The following TMX4 variants were observed in gnomAD, a reference collection of about 807,000 sequenced individuals.
TMX4 encodes the protein thioredoxin-related transmembrane protein 4.
Under a neutral mutation model 33.3 loss-of-function variants are expected in TMX4, and 23 were observed. The observed-to-expected ratio is 0.69, with a 90% confidence interval of 0.50 to 0.98. The LOEUF (loss-of-function observed/expected upper bound fraction) is 0.98, where lower values mean the gene tolerates loss of function less well. TMX4 is among the 50% of genes least tolerant of loss of function. The probability of loss-of-function intolerance (pLI) is 0.00; values close to 1 mark genes in which losing one functional copy is unlikely to be tolerated. For missense variants in TMX4, 399 were observed against 448.9 expected (o/e 0.89, Z 1.01); for synonymous variants, 164 against 161.5 (o/e 1.02, Z -0.12).
chr20:7,993,327 T>G (rs1038430776), intron 5 of TMX4, among the ~76,000 whole-genome samples: 2 of 152,218 alleles, frequency 1.3e-5, no homozygotes, highest in South Asian at 2.1e-4. Context: ...TTAATATATT[T>G]GCATTGTAGT....
chr20:8,011,251 G>T (rs2050751791), intron 1 of TMX4, among the ~76,000 whole-genome samples: 1 of 151,904 alleles, frequency 6.6e-6, no homozygotes, highest in Non-Finnish European at 1.5e-5. Flanking sequence ...ATTAAGGGAG[G>T]AAAGGGGCCA....
chr20:8,007,804 C>T (rs968669958), intron 2 of TMX4, among the ~76,000 whole-genome samples: 5 of 152,230 alleles, frequency 3.3e-5, no homozygotes, highest in Non-Finnish European at 4.4e-5. Context: ...CTATTTATCT[C>T]TGGTCCTTCC....
intron 1 of TMX4, among the ~76,000 whole-genome samples, chr20:8,014,592 C>A (rs1382755646): frequency 1.3e-5 from 2 of 152,110 alleles, no homozygotes; most frequent in Non-Finnish European, 2.9e-5. Flanking sequence ...AAAAGCATAT[C>A]AATAAATGTG....
rs1281800994 is a variant in TMX4 at position 7,982,631 on chromosome 20, GAAGA to G, written c.680-14_680-11del. The G allele has an allele frequency of 6.3e-7, 1 of 1,599,564 alleles. No homozygotes were observed. The highest frequency in any genetic ancestry group is 1.1e-5 in the South Asian group (1 of 89,382). ...GATCTCCGATTCTGCTCTATGGAGG[GAAGA>G]AAGAGGAATATCCTCTGAATAAACA... is the stretch of plus-strand genomic sequence containing the variant. On this transcript the variant is annotated splice_polypyrimidine_tract_variant and intron_variant, in intron 7 of 7. Coordinates refer to ENST00000246024, the MANE Select transcript of TMX4 (RefSeq NM_021156.4).
Position 7,981,239 on chromosome 20 carries a change from T to C in TMX4, c.*1012A>G, listed in dbSNP as rs2050604496. ...CACATCACTGAAGGAAAATCAGAAG[T>C]GGTTTTTTAGTTATTATTAAAGTAG... is the stretch of plus-strand genomic sequence containing the variant. On this transcript the variant is annotated 3_prime_UTR_variant, in exon 8 of 8. Coordinates refer to ENST00000246024, the MANE Select transcript of TMX4 (RefSeq NM_021156.4). 6.6e-6 allele frequency: 1 copy of C among 152,198 alleles called. No individual in the cohort carries two copies. The highest frequency in any genetic ancestry group is 1.5e-5 in the Non-Finnish European group (1 of 68,038). 9.4% of individuals were successfully genotyped at this position (152,198 alleles called of 1,614,324 possible). A position where few individuals can be genotyped will look rare whatever the true frequency, so the allele number is the denominator to read the frequency against.
At chr20:8,005,557 T>G (rs917455651) in intron 2 of TMX4, among the ~76,000 whole-genome samples, 40 of 152,312 alleles carry the variant, frequency 2.6e-4, no homozygotes, top group African/African-American at 9.4e-4. Context: ...TCTGTTTTTG[T>G]GCCCAAATGT....
In TMX4 at chr20:8,019,499, C is replaced by G. The variant is rs1278428098; in HGVS notation, c.115G>C (p.Val39Leu). ...CAGTTGGAGGCGGTCATGGGCTGGA[C>G]CCGGCTCTGCTCCGGCGGCAGCGCG... Reference protein sequence around the residue: ...EAALPPEQSRVQPMTASNWTL... With the variant: ...EAALPPEQSRLQPMTASNWTL... The change falls in exon 1 of 8, where the codon GTC (valine) becomes CTC (leucine). Residue 39 changes from valine to leucine, a missense_variant. By Grantham distance (32) the Val-to-Leu change is conservative. Transcript: ENST00000246024. 1 of 1,508,252 alleles carries G rather than the reference C, an allele frequency of 6.6e-7. No homozygotes were observed. Among genetic ancestry groups the G allele is most frequent in the Non-Finnish European group, 8.9e-7 (1 of 1,128,588 alleles). 93.4% of individuals were successfully genotyped at this position (1,508,252 alleles called of 1,614,324 possible). A position where few individuals can be genotyped will look rare whatever the true frequency, so the allele number is the denominator to read the frequency against.
intron 4 of TMX4, among the ~76,000 whole-genome samples, chr20:7,998,048 C>T (rs1409557951): frequency 1.3e-5 from 2 of 152,078 alleles, no homozygotes; most frequent in East Asian, 3.9e-4. Flanking sequence ...TCGCCTTCCA[C>T]CATGATTATA....
At chr20:8,016,506 T>G (rs1452884651) in intron 1 of TMX4, among the ~76,000 whole-genome samples, 2 of 152,244 alleles carry the variant, frequency 1.3e-5, no homozygotes, top group Non-Finnish European at 2.9e-5. Context: ...CTCATACATT[T>G]TTAAAACACT....
intron 5 of TMX4, among the ~76,000 whole-genome samples, chr20:7,990,351 G>T (rs997912035): frequency 3.3e-5 from 5 of 151,964 alleles, no homozygotes; most frequent in Non-Finnish European, 4.4e-5. Context: ...GTCATCTGAT[G>T]GGTGTGACAC....
At chr20:7,998,477 A>G (rs117607090) in intron 4 of TMX4, among the ~76,000 whole-genome samples, 2,078 of 152,128 alleles carry the variant, frequency 0.014, 54 homozygotes, top group East Asian at 0.065. Flanking sequence ...TCTAAGCCTC[A>G]ACTCACTTCA....
At chr20:7,993,042 A>C (rs376940129) in intron 5 of TMX4, among the ~76,000 whole-genome samples, 2 of 152,334 alleles carry the variant, frequency 1.3e-5, no homozygotes, top group African/African-American at 4.8e-5. Flanking sequence ...TCTTCCCTGC[A>C]GATATACTTA....
intron 2 of TMX4, among the ~76,000 whole-genome samples, chr20:8,007,331 C>T (rs2050735157): frequency 6.6e-6 from 1 of 152,144 alleles, no homozygotes; most frequent in African/African-American, 2.4e-5. Flanking sequence ...ATCCTAGTAT[C>T]TCAAGAATCC....
chr20:7,983,714 C>T (rs2050618753), intron 7 of TMX4, 80 bp downstream of exon 7: 9 of 1,108,404 alleles, frequency 8.1e-6, no homozygotes, highest in Non-Finnish European at 1.0e-5. Flanking sequence ...ACAGAGAAAA[C>T]CCACTATCTA....
At chr20:8,009,598 T>C (rs1007164086) in intron 2 of TMX4, among the ~76,000 whole-genome samples, 1 of 152,100 alleles carries the variant, frequency 6.6e-6, no homozygotes, top group Non-Finnish European at 1.5e-5. Flanking sequence ...CACAGCATCA[T>C]CTTAGAAGTA....
intron 2 of TMX4, among the ~76,000 whole-genome samples, chr20:8,005,868 C>T (rs1490630624): frequency 6.6e-6 from 1 of 152,158 alleles, no homozygotes; most frequent in African/African-American, 2.4e-5. Flanking sequence ...CCACTCCATC[C>T]CCGTTCTGGC....
Position 7,982,134 on chromosome 20 carries a change from C to T in TMX4, c.*117G>A, listed in dbSNP as rs145589285. 4.5e-3 allele frequency: 4,762 copies of T among 1,066,366 alleles called. 22 individuals are homozygous for T. The highest frequency in any genetic ancestry group is 5.6e-3 in the Non-Finnish European group (4,216 of 755,390). 66.1% of individuals were successfully genotyped at this position (1,066,366 alleles called of 1,614,324 possible). A position where few individuals can be genotyped will look rare whatever the true frequency, so the allele number is the denominator to read the frequency against. ...GCCATGAGACCAAATGACTAGAGAGCATCTTTTAAGAGAAGCTTGCTCATT... is the reference window on the plus strand; with the variant it reads ...GCCATGAGACCAAATGACTAGAGAGTATCTTTTAAGAGAAGCTTGCTCATT... On this transcript the variant is annotated 3_prime_UTR_variant, in exon 8 of 8. Coordinates refer to ENST00000246024, the MANE Select transcript of TMX4 (RefSeq NM_021156.4).
intron 1 of TMX4, among the ~76,000 whole-genome samples, chr20:8,018,481 GGAGAGAGAGA>G (rs1156723197): frequency 8.0e-4 from 11 of 13,718 alleles, no homozygotes; most frequent in South Asian, 9.3e-3. Context: ...GGAGGGAGGG[GGAGAGAGAGA>G]GAGAGAGAGA....
chr20:7,982,480 T>G lies in TMX4; in HGVS notation c.821A>C (p.Asp274Ala). 6.2e-7 allele frequency: 1 copy of G among 1,614,050 alleles called. No individual in the cohort carries two copies. Among genetic ancestry groups the G allele is most frequent in the Non-Finnish European group, 8.5e-7 (1 of 1,179,974 alleles). The change falls in exon 8 of 8, where the codon GAT (aspartate) becomes GCT (alanine). Residue 274 changes from aspartate (D) to alanine (A), a missense_variant. Physicochemically the swap from Asp to Ala is moderately radical, Grantham distance 126. Coordinates refer to ENST00000246024, the MANE Select transcript of TMX4 (RefSeq NM_021156.4). ...CTCCTCCTCTTCTTCCTCTGCTTCA[T>G]CCTCATCGCCAAGATCTTCTTTCTC... is the stretch of plus-strand genomic sequence containing the variant. ...EEEKEDLGDEDEAEEEEEEDN... is the reference protein window; with the variant it reads ...EEEKEDLGDEAEAEEEEEEDN...
Sources: gnomAD v4.1 joint callset for allele counts (sites outside exome capture counted in the v4.1 genomes callset) on GRCh38, gnomAD v4.1.1 for gene constraint, MANE v1.5 for transcripts, NCBI Gene and HGNC (gene_info 2026-07-23, HGNC 2026-07-21) for gene names.